The following CLDN14 variants were observed in gnomAD, a reference collection of about 807,000 sequenced individuals.
The protein encoded by CLDN14 is claudin-14.
In CLDN14, 2 loss-of-function variants were observed where a neutral mutation model predicts 2.1. The observed-to-expected ratio is 0.96, with a 90% CI of 0.39 to 3.01. The LOEUF is 3.01. Ranked by LOEUF, CLDN14 falls within the 30% of genes most tolerant of loss-of-function variation. The probability of loss-of-function intolerance (pLI) is 0.09; values close to 1 mark genes in which losing one functional copy is unlikely to be tolerated. For missense variants in CLDN14, 298 were observed against 328.0 expected (o/e 0.91, Z 0.71); for synonymous variants, 136 against 154.4 (o/e 0.88, Z 0.88).
chr21:36,543,344 T>A (rs888591503), intron 1 of CLDN14, among the ~76,000 whole-genome samples: 1 of 152,164 alleles, frequency 6.6e-6, no homozygotes, highest in African/African-American at 2.4e-5. Flanking sequence ...GCTCTTTGAG[T>A]TGGGGGAGAC....
rs1366217826 is a variant in CLDN14, at chr21:36,499,019, C to A, written c.-82+11344G>T. Among the ~76,000 whole-genome samples, 1 of 152,154 alleles carries A rather than the reference C, an allele frequency of 6.6e-6. No homozygotes were observed. The highest frequency in any genetic ancestry group is 1.5e-5 in the Non-Finnish European group (1 of 68,024). On this transcript the variant is annotated intron_variant, in intron 2 of 2. Coordinates refer to the CLDN14 transcript ENST00000342108. This position sits in a 1 kb window ranked among gnomAD's most constrained non-coding sequence, Gnocchi z 4.7. Reference sequence around the variant, plus strand: ...AAGCACCTTTATTTTCTAATTTGGCCAGTTTCAGGGCACATGACAATCACC... The same window carrying A: ...AAGCACCTTTATTTTCTAATTTGGCAAGTTTCAGGGCACATGACAATCACC...
intron 1 of CLDN14, among the ~76,000 whole-genome samples, chr21:36,537,957 C>T (rs565782099): frequency 6.6e-6 from 1 of 151,772 alleles, no homozygotes; most frequent in Non-Finnish European, 1.5e-5. Flanking sequence ...CTACAATTTA[C>T]TTTCAAATGG....
At chr21:36,567,837 C>A (rs1185063784) in intron 1 of CLDN14, among the ~76,000 whole-genome samples, 3 of 149,938 alleles carry the variant, frequency 2.0e-5, no homozygotes, top group African/African-American at 7.3e-5. Context: ...AAGCCAAAGT[C>A]ATTCATTTTT....
chr21:36,544,252 T>G lies in CLDN14; in HGVS notation c.-220+32159A>C, dbSNP rs2087512151. Among the ~76,000 whole-genome samples, 1 of 152,100 alleles carries G rather than the reference T, an allele frequency of 6.6e-6. No individual in the cohort carries two copies. Among genetic ancestry groups the G allele is most frequent in the Non-Finnish European group, 1.5e-5 (1 of 67,996 alleles). On this transcript the variant is annotated intron_variant, in intron 1 of 2. Coordinates refer to the CLDN14 transcript ENST00000342108. The surrounding 1 kb of genome is among the most constrained non-coding windows in gnomAD (Gnocchi z 4.1). Reference sequence around the variant, plus strand: ...CTCTGCTGCCATCCATCCCTCTCCCTGAAAAAGGTGGTGGGAAGGACAATG... The same window carrying G: ...CTCTGCTGCCATCCATCCCTCTCCCGGAAAAAGGTGGTGGGAAGGACAATG...
At chr21:36,470,554 C>T (rs1240666211) in intron 1 of CLDN14, among the ~76,000 whole-genome samples, 1 of 152,214 alleles carries the variant, frequency 6.6e-6, no homozygotes, top group African/African-American at 2.4e-5. Context: ...TTCAAGCTTC[C>T]AGCCTTCAGA....
chr21:36,463,743 A>C (rs1005048035), intron 1 of CLDN14, among the ~76,000 whole-genome samples: 1 of 152,188 alleles, frequency 6.6e-6, no homozygotes, highest in Non-Finnish European at 1.5e-5. Context: ...GAAATAAAAT[A>C]AATCAATAAA....
chr21:36,568,513 C>G (rs1481624597), intron 1 of CLDN14, among the ~76,000 whole-genome samples: 2 of 152,226 alleles, frequency 1.3e-5, no homozygotes. Context: ...CAGTGGGGGA[C>G]AGTTCCGACA....
At chr21:36,519,605 G>A (rs2087254167) in intron 1 of CLDN14, among the ~76,000 whole-genome samples, 1 of 152,202 alleles carries the variant, frequency 6.6e-6, no homozygotes, top group African/African-American at 2.4e-5. Flanking sequence ...AGCTACTTGG[G>A]AGGCTGAGGC....
intron 1 of CLDN14, among the ~76,000 whole-genome samples, chr21:36,541,272 T>C (rs1408000597): frequency 6.6e-6 from 1 of 152,232 alleles, no homozygotes; most frequent in Non-Finnish European, 1.5e-5. Context: ...TTAAGCTCTG[T>C]GCATTTACCT....
intron 1 of CLDN14, among the ~76,000 whole-genome samples, chr21:36,561,738 A>T (rs1164157469): frequency 3.3e-5 from 5 of 152,190 alleles, no homozygotes; most frequent in Admixed American, 6.5e-5. Context: ...CTCAGCCAGG[A>T]GAGGTGTATT....
chr21:36,485,127 G>A (rs1338378298), intron 2 of CLDN14, among the ~76,000 whole-genome samples: 1 of 151,524 alleles, frequency 6.6e-6, no homozygotes, highest in Non-Finnish European at 1.5e-5. Context: ...ATGCATTTTG[G>A]GGGACAGACT....
At chr21:36,541,567 C>T (rs979984845) in intron 1 of CLDN14, among the ~76,000 whole-genome samples, 1 of 152,130 alleles carries the variant, frequency 6.6e-6, no homozygotes, top group Non-Finnish European at 1.5e-5. Context: ...AAAATTTCGC[C>T]CTTATTTTCA....
chr21:36,487,077 C>G (rs571489196), intron 2 of CLDN14: 2 of 229,216 alleles, frequency 8.7e-6, no homozygotes, highest in East Asian at 1.4e-4. Flanking sequence ...CTCTGCCTCT[C>G]GGGTTCAAGG....
chr21:36,572,465 A>G lies in CLDN14; in HGVS notation c.-220+3946T>C, dbSNP rs970582388. On this transcript the variant is annotated intron_variant, in intron 1 of 2. Coordinates refer to the CLDN14 transcript ENST00000342108. ...TCCACCCAGGTCTGCATGCTGGCCC[A>G]AGATTGAAGAGGAAAACTTGGTCTT... Among the ~76,000 whole-genome samples, 3 of 152,166 alleles carry G rather than the reference A, an allele frequency of 2.0e-5. No homozygotes were observed. In the East Asian group the frequency reaches 5.8e-4, roughly 29 times the overall value.
intron 1 of CLDN14, among the ~76,000 whole-genome samples, chr21:36,542,053 G>T (rs1028465566): frequency 6.6e-6 from 1 of 152,092 alleles, no homozygotes; most frequent in Non-Finnish European, 1.5e-5. Flanking sequence ...TGCTTCCCAG[G>T]TTCAAGGGAT....
chr21:36,493,529 C>T (rs1462355918), intron 2 of CLDN14, among the ~76,000 whole-genome samples: 1 of 152,008 alleles, frequency 6.6e-6, no homozygotes, highest in Non-Finnish European at 1.5e-5. Flanking sequence ...TTCTTATAAT[C>T]CAGAAAACTC....
In CLDN14 at chr21:36,461,278, TG is replaced by T. The variant is rs1421389098; in HGVS notation, c.417del (p.Thr140ProfsTer17). 5 of 1,613,688 alleles carry T rather than the reference TG, an allele frequency of 3.1e-6. No homozygotes were observed. The African/African-American group carries it at 6.7e-5, about 22-fold the overall frequency. On this transcript the variant is annotated frameshift_variant, in exon 2 of 2. Transcript: ENST00000399135. LOFTEE classifies it high-confidence loss of function. ...TAGAAGTTCTGCACCACGTCGTTGG[TG>T]GTCCAGGAGACGGCCACCATGCACA... is the stretch of plus-strand genomic sequence containing the variant. ...GLLCMVAVSWTTNDVVQNFYN... is the reference protein window; with the variant it reads ...GLLCMVAVSWXTNDVVQNFYN...
chr21:36,516,286 A>G (rs560524801), intron 1 of CLDN14, among the ~76,000 whole-genome samples: 2 of 152,338 alleles, frequency 1.3e-5, no homozygotes, highest in South Asian at 4.1e-4. Flanking sequence ...ATCACAGCCA[A>G]AAGAGCCAGT....
intron 1 of CLDN14, among the ~76,000 whole-genome samples, chr21:36,564,340 G>A (rs405901): frequency 0.75 from 113,840 of 151,818 alleles, 44,123 homozygotes; most frequent in Non-Finnish European, 0.87. Context: ...CTATCGCTAA[G>A]CCAACAAAAG....
Sources: gnomAD v4.1 joint callset for allele counts (sites outside exome capture counted in the v4.1 genomes callset) on GRCh38, gnomAD v4.1.1 for gene constraint, Gnocchi (gnomAD v3.1) non-coding constraint, MANE v1.5 for transcripts, NCBI Gene and HGNC (gene_info 2026-07-23, HGNC 2026-07-21) for gene names.